Variants in SPAST observed in about 807,000 individuals in gnomAD.
SPAST encodes spastin.
A neutral mutation model predicts 76.6 loss-of-function variants in SPAST; 30 were observed. The ratio of observed to expected loss-of-function variants is 0.39; its 90% CI spans 0.29 to 0.53. SPAST has a LOEUF of 0.53. Ranked by LOEUF, SPAST falls within the 20% of genes least tolerant of loss-of-function variation. The probability of loss-of-function intolerance (pLI) is 0.68; values close to 1 mark genes in which losing one functional copy is unlikely to be tolerated. For synonymous variants in SPAST, 305 were observed against 281.0 expected, an observed-to-expected ratio of 1.09 and a Z score of -0.86; for missense variants, 717 against 770.5, an observed-to-expected ratio of 0.93 and a Z score of 0.82.
intron 3 of SPAST, among the ~76,000 whole-genome samples, chr2:32,093,247 C>T (rs1573078964): frequency 7.6e-6 from 1 of 130,954 alleles, no homozygotes; most frequent in African/African-American, 2.9e-5. Flanking sequence ...GGAGGCGGAG[C>T]TTGCAGTGAG....
intron 9 of SPAST, among the ~76,000 whole-genome samples, chr2:32,131,707 C>G (rs1679374718): frequency 8.3e-6 from 1 of 120,950 alleles, no homozygotes; most frequent in African/African-American, 3.1e-5. Context: ...TGGAGTCTTG[C>G]TCTGGAGTGC....
chr2:32,104,257 AG>A (rs1206198694), intron 4 of SPAST, among the ~76,000 whole-genome samples: 3 of 152,114 alleles, frequency 2.0e-5, no homozygotes, highest in African/African-American at 7.2e-5. Context: ...CTGTTTTATC[AG>A]AGAGTTGGAT....
At chr2:32,070,054 TA>T (rs372054738) in intron 1 of SPAST, among the ~76,000 whole-genome samples, 2,056 of 139,308 alleles carry the variant, frequency 0.015, 29 homozygotes, top group African/African-American at 0.037. Flanking sequence ...TATGGCATAC[TA>T]AAAAAAAAAA....
At chr2:32,112,660 T>G (rs1431224240) in intron 4 of SPAST, among the ~76,000 whole-genome samples, 2 of 119,386 alleles carry the variant, frequency 1.7e-5, no homozygotes, top group East Asian at 2.4e-4. Context: ...GTGGATTTTG[T>G]TTTTTTTTTT....
At chr2:32,082,910 AT>A (rs1486128229) in intron 1 of SPAST, among the ~76,000 whole-genome samples, 1 of 152,106 alleles carries the variant, frequency 6.6e-6, no homozygotes, top group Admixed American at 6.6e-5. Context: ...TTGTTACTCC[AT>A]TCACTAAATG....
intron 14 of SPAST, among the ~76,000 whole-genome samples, chr2:32,144,462 A>G (rs992653494): frequency 6.6e-6 from 1 of 152,208 alleles, no homozygotes; most frequent in African/African-American, 2.4e-5. Context: ...GCATTACTAC[A>G]TTTGTTTTCA....
chr2:32,107,379 G>A (rs770774998), intron 4 of SPAST, among the ~76,000 whole-genome samples: 6 of 152,008 alleles, frequency 3.9e-5, no homozygotes, highest in Admixed American at 1.3e-4. Flanking sequence ...ATCCTCCCAA[G>A]TAGCTGGGAC....
chr2:32,136,482 T>A, intron 9 of SPAST, 81 bp from the exon 10 acceptor site: 1 of 1,039,570 alleles, frequency 9.6e-7, no homozygotes, highest in Non-Finnish European at 1.5e-6. Flanking sequence ...AATTCCTGTG[T>A]GCTAGATTTT....
At chr2:32,127,145 G>GTT (rs754780066) in intron 8 of SPAST, 123 bp downstream of exon 8, 2 of 745,494 alleles carry the variant, frequency 2.7e-6, no homozygotes, top group Non-Finnish European at 4.7e-6. Context: ...GTACACTTTT[G>GTT]TTTTTTTTGT....
At position 32,127,241 on chromosome 2, in the gene SPAST, C is replaced by T; in HGVS notation, c.1173+219C>T. ...CAAGCGATTTTCATGCCTCAGCCTC[C>T]CAAGTAGCTGGGATTACAGGCACAC... On this transcript the variant is annotated intron_variant, in intron 8 of 16. Coordinates refer to ENST00000315285, the MANE Select transcript of SPAST (RefSeq NM_014946.4). 7.5e-6 allele frequency: 4 copies of T among 530,632 alleles called. No homozygotes were observed. The South Asian group carries it at 8.2e-5, about 11-fold the overall frequency. The allele number at this position is 530,632 out of a possible 1,614,324, so 32.9% of individuals were successfully genotyped here.
In SPAST at chr2:32,069,431, A is replaced by G. The variant is rs550198469; in HGVS notation, c.415+5185A>G. 2.2e-4 allele frequency among the ~76,000 whole-genome samples: 34 copies of G among 152,228 alleles called. 1 individual carries two copies. Among genetic ancestry groups the G allele is most frequent in the African/African-American group, 7.2e-4 (30 of 41,526 alleles). ...CCTCTTTCTCAGTGCTTCAAAATATATATGATCAAATAGAAACGAGTTGAA... is the reference window on the plus strand; with the variant it reads ...CCTCTTTCTCAGTGCTTCAAAATATGTATGATCAAATAGAAACGAGTTGAA... On this transcript the variant is annotated intron_variant, in intron 1 of 16. Transcript: ENST00000315285.
intron 6 of SPAST, 57 bp downstream of exon 6, chr2:32,115,892 A>G (rs905475744): frequency 7.3e-7 from 1 of 1,370,080 alleles, no homozygotes; most frequent in Non-Finnish European, 1.0e-6. Context: ...AATTTTACTT[A>G]TAAAACATGT....
At chr2:32,145,057 T>C (rs1300925615) in intron 15 of SPAST, 50 bp downstream of exon 15, 1 of 1,389,304 alleles carries the variant, frequency 7.2e-7, no homozygotes, top group Non-Finnish European at 1.0e-6. Flanking sequence ...TATACCACCT[T>C]AGAAGTTTAA....
intron 3 of SPAST, among the ~76,000 whole-genome samples, chr2:32,091,586 A>G (rs551273478): frequency 3.1e-4 from 46 of 148,718 alleles, no homozygotes; most frequent in South Asian, 1.1e-3. Flanking sequence ...TAATCCCAGC[A>G]CTTTGGGAGG....
At chr2:32,109,624 C>A (rs1181760975) in intron 4 of SPAST, among the ~76,000 whole-genome samples, 27 of 149,838 alleles carry the variant, frequency 1.8e-4, no homozygotes, top group African/African-American at 5.9e-4. Flanking sequence ...ATCATTGACT[C>A]CTTATGGTCA....
At chr2:32,087,985 G>T (rs1677561299) in intron 2 of SPAST, among the ~76,000 whole-genome samples, 2 of 151,754 alleles carry the variant, frequency 1.3e-5, no homozygotes, top group East Asian at 3.9e-4. Context: ...CCGGATTCAG[G>T]CTATTTATTC....
intron 9 of SPAST, among the ~76,000 whole-genome samples, chr2:32,135,939 G>A (rs1679521436): frequency 6.6e-6 from 1 of 151,964 alleles, no homozygotes; most frequent in Non-Finnish European, 1.5e-5. Context: ...TTAGCCAGGC[G>A]TGGTGGTGGG....
At chr2:32,104,205 GATGGCC>G (rs1678231422) in intron 4 of SPAST, among the ~76,000 whole-genome samples, 1 of 152,102 alleles carries the variant, frequency 6.6e-6, no homozygotes, top group African/African-American at 2.4e-5. Flanking sequence ...AGCATTATAT[GATGGCC>G]TTCTTTGTCT....
chr2:32,075,202 TACGA>T (rs1384131858), intron 1 of SPAST, among the ~76,000 whole-genome samples: 2 of 150,860 alleles, frequency 1.3e-5, no homozygotes, highest in Non-Finnish European at 3.0e-5. Context: ...GTGGGCAGAT[TACGA>T]GGTCAGGAGA....
Sources: gnomAD v4.1 joint callset for allele counts (sites outside exome capture counted in the v4.1 genomes callset) on GRCh38, gnomAD v4.1.1 for gene constraint, MANE v1.5 for transcripts, NCBI Gene and HGNC (gene_info 2026-07-23, HGNC 2026-07-21) for gene names.